PBX1: variants seen among roughly 807,000 people sequenced by gnomAD.
PBX1 encodes the protein pre-B-cell leukemia transcription factor 1.
PBX1 carries 6 observed loss-of-function variants against 53.4 expected under a neutral mutation model. The observed-to-expected ratio is 0.11, with a 90% CI of 0.06 to 0.22. PBX1 has a LOEUF of 0.22. Among genes scored for constraint, PBX1 ranks in the 10% least tolerant of loss-of-function variants. The pLI, the probability that PBX1 is intolerant of heterozygous loss-of-function variation, is 1.00. For missense variants in PBX1, 251 were observed against 551.4 expected (o/e 0.46, Z 5.46); for synonymous variants, 204 against 212.3 (o/e 0.96, Z 0.34).
In PBX1 at chr1:164,847,881, G is replaced by A. The variant is rs1353543408; in HGVS notation, c.*1205G>A. The A allele has an allele frequency of 9.5e-7, 1 of 1,054,990 alleles. No homozygotes were observed. Among genetic ancestry groups the A allele is most frequent in the Non-Finnish European group, 1.1e-6 (1 of 872,744 alleles). 65.4% of individuals were successfully genotyped at this position (1,054,990 alleles called of 1,614,324 possible). A position where few individuals can be genotyped will look rare whatever the true frequency, so the allele number is the denominator to read the frequency against. On this transcript the variant is annotated 3_prime_UTR_variant, in exon 9 of 9. Transcript: ENST00000420696. Reference sequence around the variant, plus strand: ...TCATGAGGAAGACCAGGTTTCCAGTGTAAACTACTCTTGTTCCCACCACCT... The same window carrying A: ...TCATGAGGAAGACCAGGTTTCCAGTATAAACTACTCTTGTTCCCACCACCT...
chr1:164,687,365 C>G (rs1037283774), intron 2 of PBX1, among the ~76,000 whole-genome samples: 1 of 151,804 alleles, frequency 6.6e-6, no homozygotes, highest in African/African-American at 2.4e-5. Context: ...AGTTCAAGAC[C>G]GGTCTGGGCA....
chr1:164,750,678 T>C (rs1289554189), intron 2 of PBX1, among the ~76,000 whole-genome samples: 2 of 152,216 alleles, frequency 1.3e-5, no homozygotes, highest in African/African-American at 4.8e-5. Flanking sequence ...TTGTTCTTTT[T>C]CTTTGTTTCA....
chr1:164,594,949 C>T (rs1655656962), intron 2 of PBX1, among the ~76,000 whole-genome samples: 1 of 152,168 alleles, frequency 6.6e-6, no homozygotes, highest in Non-Finnish European at 1.5e-5. Flanking sequence ...AACACGTCTC[C>T]CTCCAGAGCT....
intron 2 of PBX1, among the ~76,000 whole-genome samples, chr1:164,713,155 T>A (rs1216859719): frequency 6.6e-6 from 1 of 152,076 alleles, no homozygotes; most frequent in Non-Finnish European, 1.5e-5. Flanking sequence ...TGGGGAGGAG[T>A]TGTAAGTTTT....
intron 2 of PBX1, among the ~76,000 whole-genome samples, chr1:164,701,431 A>G (rs1363693605): frequency 6.6e-6 from 1 of 152,236 alleles, no homozygotes; most frequent in Non-Finnish European, 1.5e-5. Context: ...GTACTTCATT[A>G]GCCAAGCTCA....
rs2102421589 is a variant in PBX1, at chr1:164,847,192, A to G, written c.*516A>G. ...CTACCTCTTAGCAGGAATACTCCAC[A>G]TTGCCCTATTCATTCCAGGCCTCCC... On this transcript the variant is annotated 3_prime_UTR_variant, in exon 9 of 9. Coordinates refer to ENST00000420696, the MANE Select transcript of PBX1 (RefSeq NM_002585.4). 5 of 1,080,432 alleles carry G rather than the reference A, an allele frequency of 4.6e-6. No individual in the cohort carries two copies. The highest frequency in any genetic ancestry group is 5.6e-6 in the Non-Finnish European group (5 of 886,764). 66.9% of individuals were successfully genotyped at this position (1,080,432 alleles called of 1,614,324 possible).
At chr1:164,741,732 A>G (rs890491240) in intron 2 of PBX1, among the ~76,000 whole-genome samples, 2 of 102,176 alleles carry the variant, frequency 2.0e-5, no homozygotes, top group Non-Finnish European at 4.2e-5. Flanking sequence ...GTGAGCATGT[A>G]TGAGTGAGTG....
rs1216863368 is a variant in PBX1, at chr1:164,870,187, AT to A, written n.258-28999del. Among the ~76,000 whole-genome samples the A allele has an allele frequency of 2.7e-5, 4 of 149,272 alleles. No individual in the cohort carries two copies. In the East Asian group the frequency reaches 6.0e-4, roughly 22 times the overall value. ...CTCATTCTAAAATCACTTTTTCTCT[AT>A]TGACTTTCTTTCTTTCTTTCTTTTC... On this transcript the variant is annotated intron_variant and non_coding_transcript_variant, in intron 2 of 2. Coordinates refer to the PBX1 transcript ENST00000558796.
At chr1:164,758,500 A>C (rs767820689) in intron 2 of PBX1, among the ~76,000 whole-genome samples, 1 of 152,012 alleles carries the variant, frequency 6.6e-6, no homozygotes, top group African/African-American at 2.4e-5. Flanking sequence ...ATCCCTGCCT[A>C]ATGGTCCCCA....
intron 2 of PBX1, among the ~76,000 whole-genome samples, chr1:164,704,260 A>C (rs907354446): frequency 2.0e-5 from 3 of 152,236 alleles, no homozygotes; most frequent in African/African-American, 7.2e-5. Flanking sequence ...AGTTGCCAAC[A>C]TTCAAACCTT....
intron 2 of PBX1, among the ~76,000 whole-genome samples, chr1:164,702,866 C>A (rs180678836): frequency 2.6e-5 from 4 of 152,212 alleles, no homozygotes; most frequent in African/African-American, 9.6e-5. Flanking sequence ...TTCATTATGA[C>A]TCATCATCTT....
At chr1:164,703,968 G>A (rs1347162495) in intron 2 of PBX1, among the ~76,000 whole-genome samples, 1 of 152,200 alleles carries the variant, frequency 6.6e-6, no homozygotes, top group East Asian at 1.9e-4. Flanking sequence ...ATGAGAGAAA[G>A]AGAGGGAAGG....
At chr1:164,729,830 CATT>C (rs201823331) in intron 2 of PBX1, among the ~76,000 whole-genome samples, 1 of 149,398 alleles carries the variant, frequency 6.7e-6, no homozygotes, top group East Asian at 1.9e-4. Context: ...TAATAAAAAT[CATT>C]ATAACAATAA....
At chr1:164,701,855 G>A (rs987264672) in intron 2 of PBX1, among the ~76,000 whole-genome samples, 4 of 152,148 alleles carry the variant, frequency 2.6e-5, no homozygotes, top group East Asian at 3.9e-4. Context: ...TAATAGCACC[G>A]ATATTGCTTT....
chr1:164,748,521 A>G (rs1666023075), intron 2 of PBX1, among the ~76,000 whole-genome samples: 1 of 152,226 alleles, frequency 6.6e-6, no homozygotes, highest in Admixed American at 6.5e-5. Flanking sequence ...CTAAGGTTAA[A>G]TAATACGTCA....
intron 2 of PBX1, among the ~76,000 whole-genome samples, chr1:164,765,060 C>T (rs543625352): frequency 1.3e-5 from 2 of 152,144 alleles, no homozygotes; most frequent in African/African-American, 2.4e-5. Flanking sequence ...CCACCCTCAC[C>T]TTTCCAGCTT....
At chr1:164,828,451 A>G (rs1364632197) in intron 8 of PBX1, 1 of 152,212 alleles carries the variant, frequency 6.6e-6, no homozygotes, top group Non-Finnish European at 1.5e-5. Flanking sequence ...TTCCATTCCC[A>G]AGAAAATGCA....
intron 2 of PBX1, among the ~76,000 whole-genome samples, chr1:164,652,549 A>G (rs1254502841): frequency 1.3e-5 from 2 of 152,210 alleles, no homozygotes; most frequent in Non-Finnish European, 2.9e-5. Flanking sequence ...AGGTAATAGA[A>G]CTAGAAGGTG....
chr1:164,604,991 G>A (rs11581849), intron 2 of PBX1, among the ~76,000 whole-genome samples: 28,498 of 152,086 alleles, frequency 0.19, 3,102 homozygotes, highest in Non-Finnish European at 0.25. Flanking sequence ...GCTGTGTGCC[G>A]TGTATGGAAG....
Sources: gnomAD v4.1 joint callset for allele counts (sites outside exome capture counted in the v4.1 genomes callset) on GRCh38, gnomAD v4.1.1 for gene constraint, MANE v1.5 for transcripts, NCBI Gene and HGNC (gene_info 2026-07-23, HGNC 2026-07-21) for gene names.